Variants in TMEM64 observed in about 807,000 individuals in gnomAD.
TMEM64 encodes transmembrane protein 64.
In TMEM64, 19 loss-of-function variants were observed where a neutral mutation model predicts 24.5. The observed-to-expected ratio is 0.78, with a 90% CI of 0.54 to 1.14. The LOEUF (loss-of-function observed/expected upper bound fraction) is 1.14. Ranked by LOEUF, TMEM64 falls within the 50% of genes most tolerant of loss-of-function variation. TMEM64 has a pLI of 0.00. For missense variants in TMEM64, 487 were observed against 493.0 expected (o/e 0.99, Z 0.12); for synonymous variants, 262 against 224.7 (o/e 1.17, Z -1.49).
rs1184617684 is a variant in TMEM64, at chr8:90,645,466, A to G, written c.440T>C (p.Leu147Pro). 6.4e-7 allele frequency: 1 copy of G among 1,551,460 alleles called. No homozygotes were observed. Among genetic ancestry groups the G allele is most frequent in the Non-Finnish European group, 8.7e-7 (1 of 1,147,024 alleles). The change falls in exon 1 of 3, where the codon CTC (leucine) becomes CCC (proline). Residue 147 changes from leucine (L) to proline (P), a missense_variant. Physicochemically the swap from Leu to Pro is moderately conservative, Grantham distance 98. Transcript: ENST00000458549. This position sits in a 1 kb window ranked among gnomAD's most constrained non-coding sequence, Gnocchi z 4.2. ...GTCAAGGCTCTCCACCCACAGCAGG[A>G]GGTGGTGAAGGTAGCGGCGGACCAG... is the stretch of plus-strand genomic sequence containing the variant. ...LALVRRYLHHLLLWVESLDSL... is the reference protein window; with the variant it reads ...LALVRRYLHHPLLWVESLDSL...
At chr8:90,643,042 CTTAG>C (rs1563452242) in intron 1 of TMEM64, among the ~76,000 whole-genome samples, 2 of 152,142 alleles carry the variant, frequency 1.3e-5, no homozygotes, top group African/African-American at 4.8e-5. Context: ...AATACAACCT[CTTAG>C]TTATATACTT....
At chr8:90,644,626 T>C (rs1326792837) in intron 1 of TMEM64, among the ~76,000 whole-genome samples, 1 of 152,234 alleles carries the variant, frequency 6.6e-6, no homozygotes, top group Non-Finnish European at 1.5e-5. Flanking sequence ...CCATTTCAAA[T>C]TTAGCAAACT....
At chr8:90,626,393 G>T (rs1255602916) in intron 2 of TMEM64, among the ~76,000 whole-genome samples, 2 of 152,104 alleles carry the variant, frequency 1.3e-5, no homozygotes, top group African/African-American at 4.8e-5. Flanking sequence ...GAATTAACAA[G>T]AGATTGTGAA....
At position 90,624,584 on chromosome 8, in the gene TMEM64, C is replaced by T. The variant is rs1809327275; in HGVS notation, c.*1087G>A. ...ATTCCTGAGTCTTATCAGAGAAAAA[C>T]AAGTACTGAAAAAACAAACACAATA... On this transcript the variant is annotated 3_prime_UTR_variant, in exon 3 of 3. Coordinates refer to ENST00000458549, the MANE Select transcript of TMEM64 (RefSeq NM_001008495.4). 1 of 152,314 alleles carries T rather than the reference C, an allele frequency of 6.6e-6. No homozygotes were observed. Among genetic ancestry groups the T allele is most frequent in the Non-Finnish European group, 1.5e-5 (1 of 67,872 alleles). 9.4% of individuals were successfully genotyped at this position (152,314 alleles called of 1,614,324 possible). A position where few individuals can be genotyped will look rare whatever the true frequency, so the allele number is the denominator to read the frequency against.
At position 90,622,868 on chromosome 8, in the gene TMEM64, A is replaced by G. The variant is rs1208183509; in HGVS notation, c.*2803T>C. ...AAACCCACAGTCACTTCTGAACATA[A>G]AGTACACATTCTAATGACAGAGATT... is the stretch of plus-strand genomic sequence containing the variant. On this transcript the variant is annotated 3_prime_UTR_variant, in exon 3 of 3. Transcript: ENST00000458549. 2 of 152,176 alleles carry G rather than the reference A, an allele frequency of 1.3e-5. No homozygotes were observed. Among genetic ancestry groups the G allele is most frequent in the Non-Finnish European group, 2.9e-5 (2 of 68,026 alleles). The allele number at this position is 152,176 out of a possible 1,614,324, so 9.4% of individuals were successfully genotyped here. A position where few individuals can be genotyped will look rare whatever the true frequency, so the allele number is the denominator to read the frequency against.
intron 2 of TMEM64, among the ~76,000 whole-genome samples, chr8:90,630,985 C>T (rs747990238): frequency 1.6e-4 from 24 of 152,166 alleles, no homozygotes; most frequent in Non-Finnish European, 2.9e-4. Context: ...AACTATATTA[C>T]AATCTGCATG....
Position 90,645,012 on chromosome 8 carries a change from C to A in TMEM64, c.795+99G>T, listed in dbSNP as rs1586133068. ...GTAACTCCTGCCGTCAATGTCACTT[C>A]TCTGCTGGTATTTATCTGATAGAGC... On this transcript the variant is annotated intron_variant, in intron 1 of 2. Coordinates refer to ENST00000458549, the MANE Select transcript of TMEM64 (RefSeq NM_001008495.4). This position sits in a 1 kb window ranked among gnomAD's most constrained non-coding sequence, Gnocchi z 4.2. 10 of 1,305,876 alleles carry A rather than the reference C, an allele frequency of 7.7e-6. No individual in the cohort carries two copies. In the East Asian group the frequency reaches 2.3e-4, roughly 31 times the overall value. The allele number at this position is 1,305,876 out of a possible 1,614,324, so 80.9% of individuals were successfully genotyped here. A position where few individuals can be genotyped will look rare whatever the true frequency, so the allele number is the denominator to read the frequency against.
intron 2 of TMEM64, among the ~76,000 whole-genome samples, chr8:90,626,653 T>TG (rs1358739452): frequency 7.1e-6 from 1 of 140,294 alleles, no homozygotes; most frequent in East Asian, 2.1e-4. Context: ...TTTTTTGAGA[T>TG]GGAGTCTCGC....
In TMEM64 at chr8:90,625,822, C is replaced by T. The variant is rs749307686; in HGVS notation, c.992G>A (p.Arg331Gln). 28 of 1,613,064 alleles carry T rather than the reference C, an allele frequency of 1.7e-5. No homozygotes were observed. The highest frequency in any genetic ancestry group is 3.3e-4 in the Middle Eastern group (2 of 6,082). Residue 331 changes from arginine to glutamine, a missense_variant, in exon 3 of 3, where the codon CGA (arginine) becomes CAA (glutamine). Around this residue, in one of 3 missense-constraint regions of TMEM64, gnomAD observed 58 missense variants for 58.2 expected, o/e 1.00. Coordinates refer to ENST00000458549, the MANE Select transcript of TMEM64 (RefSeq NM_001008495.4). ...SIGLMFYVVHRAQVELNAAIV... is the reference protein window; with the variant it reads ...SIGLMFYVVHQAQVELNAAIV... ...AGCTGCATTCAATTCCACTTGAGCT[C>T]GATGAACTACATAAAACATGAGGCC...
At position 90,631,634 on chromosome 8, in the gene TMEM64, G is replaced by C. The variant is rs766110184; in HGVS notation, c.869C>G (p.Ser290Cys). 34 of 1,613,640 alleles carry C rather than the reference G, an allele frequency of 2.1e-5. 1 individual carries two copies. Among genetic ancestry groups the C allele is most frequent in the East Asian group, 1.3e-4 (6 of 44,868 alleles). The change falls in exon 2 of 3, where the codon TCT (serine) becomes TGT (cysteine). Residue 290 changes from serine (S) to cysteine (C), a missense_variant. Around this residue, in one of 3 missense-constraint regions of TMEM64, gnomAD observed 419 missense variants for 407.5 expected, o/e 1.03. Coordinates refer to ENST00000458549, the MANE Select transcript of TMEM64 (RefSeq NM_001008495.4). ...VGLLPTQLLN[S>C]YLGTTLRTME... ...TGTCCGCAGGGTGGTACCCAAGTAA[G>C]AATTCAGAAGCTGGGTAGGAAGCAG...
rs924164055 is a variant in TMEM64, at chr8:90,624,218, C to T, written c.*1453G>A. Reference sequence around the variant, plus strand: ...CACACATTAAAATGATCAAATTCATCTCTAGCATAAGACTAGAATAATCTG... The same window carrying T: ...CACACATTAAAATGATCAAATTCATTTCTAGCATAAGACTAGAATAATCTG... On this transcript the variant is annotated 3_prime_UTR_variant, in exon 3 of 3. Coordinates refer to ENST00000458549, the MANE Select transcript of TMEM64 (RefSeq NM_001008495.4). 2 of 152,042 alleles carry T rather than the reference C, an allele frequency of 1.3e-5. No homozygotes were observed. Among genetic ancestry groups the T allele is most frequent in the African/African-American group, 2.4e-5 (1 of 41,416 alleles). 9.4% of individuals were successfully genotyped at this position (152,042 alleles called of 1,614,324 possible).
rs1398500529 is a variant in TMEM64 at position 90,631,526 on chromosome 8, G to A, written c.951+26C>T. ...ACAAAAAGAAACAGAGAGAAAAAAA[G>A]AGACAACCCTTGGCCTTAAACTCAC... is the stretch of plus-strand genomic sequence containing the variant. On this transcript the variant is annotated intron_variant, in intron 2 of 2. Coordinates refer to ENST00000458549, the MANE Select transcript of TMEM64 (RefSeq NM_001008495.4). 2.0e-6 allele frequency: 3 copies of A among 1,471,646 alleles called. No homozygotes were observed. In the East Asian group the frequency reaches 6.9e-5, roughly 34 times the overall value. 91.2% of individuals were successfully genotyped at this position (1,471,646 alleles called of 1,614,324 possible).
intron 1 of TMEM64, among the ~76,000 whole-genome samples, chr8:90,636,085 A>G (rs191655022): frequency 6.6e-6 from 1 of 152,348 alleles, no homozygotes; most frequent in Non-Finnish European, 1.5e-5. Flanking sequence ...CCCTTGGGAA[A>G]CAGTGTTACT....
chr8:90,635,573 C>T (rs1016095173), intron 1 of TMEM64, among the ~76,000 whole-genome samples: 23 of 151,534 alleles, frequency 1.5e-4, no homozygotes, highest in African/African-American at 5.6e-4. Context: ...CTTGTTGGGG[C>T]CTTGGATAAA....
At chr8:90,641,304 C>T (rs984451209) in intron 1 of TMEM64, among the ~76,000 whole-genome samples, 1 of 152,156 alleles carries the variant, frequency 6.6e-6, no homozygotes, top group Admixed American at 6.5e-5. Flanking sequence ...TCCAGTAACA[C>T]TATTTACGGA....
In TMEM64 at chr8:90,645,988, T is replaced by A; in HGVS notation, c.-83A>T. The A allele has an allele frequency of 1.0e-5, 7 of 694,186 alleles. No individual in the cohort carries two copies. Among genetic ancestry groups the A allele is most frequent in the South Asian group, 6.5e-5 (1 of 15,416 alleles). The allele number at this position is 694,186 out of a possible 1,614,324, so 43.0% of individuals were successfully genotyped here. On this transcript the variant is annotated 5_prime_UTR_variant, in exon 1 of 3. Coordinates refer to ENST00000458549, the MANE Select transcript of TMEM64 (RefSeq NM_001008495.4). The surrounding 1 kb of genome is among the most constrained non-coding windows in gnomAD (Gnocchi z 4.2). Reference sequence around the variant, plus strand: ...GCAGCTGCCCTTCATGGCGCCCGGTTCGCCCGGCATCGACTCCCTGCGTCC... The same window carrying A: ...GCAGCTGCCCTTCATGGCGCCCGGTACGCCCGGCATCGACTCCCTGCGTCC...
intron 1 of TMEM64, among the ~76,000 whole-genome samples, chr8:90,639,952 A>G (rs1187588239): frequency 1.3e-5 from 2 of 152,222 alleles, no homozygotes; most frequent in East Asian, 3.8e-4. Flanking sequence ...TAGATTAGTG[A>G]ATTGTAAGCC....
rs566297045 is a variant in TMEM64, at chr8:90,622,426, A to G, written c.*3245T>C. 6.6e-6 allele frequency: 1 copy of G among 152,356 alleles called. No individual in the cohort carries two copies. The highest frequency in any genetic ancestry group is 2.4e-5 in the African/African-American group (1 of 41,570). 9.4% of individuals were successfully genotyped at this position (152,356 alleles called of 1,614,324 possible). A position where few individuals can be genotyped will look rare whatever the true frequency, so the allele number is the denominator to read the frequency against. On this transcript the variant is annotated 3_prime_UTR_variant, in exon 3 of 3. Coordinates refer to ENST00000458549, the MANE Select transcript of TMEM64 (RefSeq NM_001008495.4). ...CAAAATTCCACCACCAAGGCCATCA[A>G]CCAGGTTAGTACTGTTTTTCCTGGG...
Position 90,645,880 on chromosome 8 carries a change from A to G in TMEM64, c.26T>C (p.Leu9Pro), listed in dbSNP as rs930221115. The G allele has an allele frequency of 5.6e-5, 64 of 1,137,884 alleles. No homozygotes were observed. Among genetic ancestry groups the G allele is most frequent in the Non-Finnish European group, 6.8e-5 (63 of 927,890 alleles). 70.5% of individuals were successfully genotyped at this position (1,137,884 alleles called of 1,614,324 possible). MRSPGGIL[L>P]QALPRLLQHA... ...CTGCAGCAGCCGGGGCAGCGCCTGG[A>G]GCAGGATCCCGCCCGGGCTCCGCAT... The change falls in exon 1 of 3, where the codon CTC becomes CCC. Residue 9 changes from leucine (L) to proline (P), a missense_variant. By Grantham distance (98) the Leu-to-Pro change is moderately conservative. Around this residue, in one of 3 missense-constraint regions of TMEM64, gnomAD observed 419 missense variants for 407.5 expected, o/e 1.03. Transcript: ENST00000458549. The surrounding 1 kb of genome is among the most constrained non-coding windows in gnomAD (Gnocchi z 4.2).
Sources: allele counts gnomAD v4.1 joint callset (sites outside exome capture counted in the v4.1 genomes callset), GRCh38; gene constraint gnomAD v4.1.1; regional missense constraint gnomAD v4.1.1; non-coding constraint Gnocchi (gnomAD v3.1); transcripts MANE v1.5; gene names NCBI Gene and HGNC (gene_info 2026-07-23, HGNC 2026-07-21).